Variants in AGBL1 observed in about 807,000 individuals in gnomAD.
The protein encoded by AGBL1 is cytosolic carboxypeptidase 4.
In AGBL1, 130 loss-of-function variants were observed where a neutral mutation model predicts 118.9. The observed-to-expected ratio is 1.09, with a 90% CI of 0.95 to 1.26. The LOEUF (loss-of-function observed/expected upper bound fraction) is 1.26, where lower values mean the gene tolerates loss of function less well. AGBL1 is among the 50% of genes most tolerant of loss of function. The pLI, the probability that AGBL1 is intolerant of heterozygous loss-of-function variation, is 0.00. For synonymous variants in AGBL1, 555 were observed against 478.9 expected, an observed-to-expected ratio of 1.16 and a Z score of -2.08; for missense variants, 1,584 against 1,298.1, an observed-to-expected ratio of 1.22 and a Z score of -3.38.
intron 5 of AGBL1, among the ~76,000 whole-genome samples, chr15:86,187,613 G>C (rs549314992): frequency 6.6e-6 from 1 of 152,216 alleles, no homozygotes; most frequent in Admixed American, 6.5e-5. Flanking sequence ...AGATTGAAGT[G>C]GTATGATGCA....
intron 21 of AGBL1, among the ~76,000 whole-genome samples, chr15:86,619,910 G>C (rs544065473): frequency 4.6e-5 from 7 of 152,296 alleles, no homozygotes; most frequent in African/African-American, 1.7e-4. Flanking sequence ...ATTTCTACAA[G>C]AGTCTACTCC....
chr15:86,853,474 A>G (rs1284425449), intron 22 of AGBL1, among the ~76,000 whole-genome samples: 2 of 152,208 alleles, frequency 1.3e-5, no homozygotes, highest in Admixed American at 1.3e-4. Flanking sequence ...TTCCAATTCT[A>G]CAGATGAAGA....
rs145103916 is a variant in AGBL1 at position 86,100,791 on chromosome 15, C to T, written c.51+20768C>T. On this transcript the variant is annotated intron_variant, in intron 1 of 22. Coordinates refer to ENST00000614907, the MANE Select transcript of AGBL1 (RefSeq NM_001386094.1). ...TTGGTTAGTCTATCTAGCAGTTTGT[C>T]GATTTTACTTATCTTTCAAAAAATG... Among the ~76,000 whole-genome samples, 745 of 151,912 alleles carry T rather than the reference C, an allele frequency of 4.9e-3. 3 individuals carry two copies. The highest frequency in any genetic ancestry group is 8.2e-3 in the Non-Finnish European group (555 of 67,932).
At chr15:86,645,807 C>T (rs2142480747) in intron 21 of AGBL1, among the ~76,000 whole-genome samples, 1 of 152,188 alleles carries the variant, frequency 6.6e-6, no homozygotes, top group South Asian at 2.1e-4. Flanking sequence ...ATTTTAAAAT[C>T]CATATTATTT....
intron 22 of AGBL1, among the ~76,000 whole-genome samples, chr15:86,749,666 T>C (rs930767372): frequency 4.6e-5 from 7 of 152,200 alleles, no homozygotes; most frequent in Non-Finnish European, 1.0e-4. Flanking sequence ...ATAGCTCTTA[T>C]TATTTTGAGA....
At chr15:86,127,784 A>G (rs2076766563) in intron 1 of AGBL1, among the ~76,000 whole-genome samples, 1 of 152,210 alleles carries the variant, frequency 6.6e-6, no homozygotes, top group Admixed American at 6.5e-5. Context: ...GACCTGTCAC[A>G]TAAAACCCTC....
At chr15:86,692,471 A>C (rs982980321) in intron 22 of AGBL1, among the ~76,000 whole-genome samples, 2 of 152,082 alleles carry the variant, frequency 1.3e-5, no homozygotes, top group African/African-American at 4.8e-5. Flanking sequence ...CTGTAGAAGG[A>C]CTACCCACCA....
chr15:86,953,178 G>C (rs2080896811), intron 23 of AGBL1, among the ~76,000 whole-genome samples: 1 of 152,092 alleles, frequency 6.6e-6, no homozygotes, highest in Admixed American at 6.6e-5. Context: ...GTAATTTTTA[G>C]ATATTTTTCC....
intron 21 of AGBL1, among the ~76,000 whole-genome samples, chr15:86,622,131 C>T (rs1193133728): frequency 6.6e-6 from 1 of 152,070 alleles, no homozygotes. Context: ...AGCTCGAGAC[C>T]AGCCTGGCCA....
chr15:86,566,508 C>T (rs972755577), intron 21 of AGBL1, among the ~76,000 whole-genome samples: 6 of 152,096 alleles, frequency 3.9e-5, no homozygotes, highest in Non-Finnish European at 2.9e-5. Context: ...CAGAGTAGAT[C>T]TTCAGTGAAA....
At chr15:86,974,831 G>C (rs2081156884) in intron 23 of AGBL1, among the ~76,000 whole-genome samples, 2 of 151,722 alleles carry the variant, frequency 1.3e-5, no homozygotes, top group Non-Finnish European at 2.9e-5. Flanking sequence ...CTGTATGTTG[G>C]CTAGAGGTAA....
chr15:86,349,478 T>C (rs1567211729), intron 17 of AGBL1, among the ~76,000 whole-genome samples: 1 of 152,210 alleles, frequency 6.6e-6, no homozygotes, highest in Non-Finnish European at 1.5e-5. Flanking sequence ...CTGATTCCTA[T>C]ACGTTATTTA....
At chr15:86,086,065 G>C (rs936765377) in intron 1 of AGBL1, among the ~76,000 whole-genome samples, 1 of 152,188 alleles carries the variant, frequency 6.6e-6, no homozygotes, top group Non-Finnish European at 1.5e-5. Context: ...GTGCATTGCT[G>C]GTGATATGCT....
chr15:86,350,964 C>G (rs2080616180), intron 17 of AGBL1, among the ~76,000 whole-genome samples: 1 of 152,136 alleles, frequency 6.6e-6, no homozygotes, highest in South Asian at 2.1e-4. Flanking sequence ...AAGTGATACC[C>G]AAGAGAATAC....
chr15:86,713,389 C>T (rs918762286), intron 22 of AGBL1, among the ~76,000 whole-genome samples: 1 of 152,112 alleles, frequency 6.6e-6, no homozygotes, highest in African/African-American at 2.4e-5. Context: ...CTAAAATATA[C>T]AAATCCATAT....
At chr15:86,375,829 G>T (rs1299367463) in intron 17 of AGBL1, among the ~76,000 whole-genome samples, 2 of 152,180 alleles carry the variant, frequency 1.3e-5, no homozygotes, top group African/African-American at 4.8e-5. Context: ...GGGAGCCATG[G>T]GTGAAGGAGA....
intron 1 of AGBL1, among the ~76,000 whole-genome samples, chr15:86,136,264 G>A (rs931150727): frequency 1.3e-5 from 2 of 152,214 alleles, no homozygotes; most frequent in African/African-American, 4.8e-5. Flanking sequence ...CCCCACAATA[G>A]ACAGTGAGAA....
chr15:87,009,298 C>A (rs1300544920), intron 24 of AGBL1, among the ~76,000 whole-genome samples: 2 of 152,132 alleles, frequency 1.3e-5, no homozygotes, highest in Non-Finnish European at 2.9e-5. Flanking sequence ...CGGGCTATTT[C>A]TTCAGAGGGT....
chr15:86,336,168 C>G (rs1178230319), intron 17 of AGBL1, among the ~76,000 whole-genome samples: 1 of 152,194 alleles, frequency 6.6e-6, no homozygotes, highest in Non-Finnish European at 1.5e-5. Flanking sequence ...CTAACTGAGG[C>G]TTTGAGGCCA....
Sources: gnomAD v4.1 joint callset for allele counts (sites outside exome capture counted in the v4.1 genomes callset) on GRCh38, gnomAD v4.1.1 for gene constraint, MANE v1.5 for transcripts, NCBI Gene and HGNC (gene_info 2026-07-23, HGNC 2026-07-21) for gene names.